The following THOC7 variants were observed in gnomAD, a reference collection of about 807,000 sequenced individuals.
The protein encoded by THOC7 is NIF3L1-binding protein 1.
A neutral mutation model predicts 33.1 loss-of-function variants in THOC7; 22 were observed. The observed-to-expected ratio is 0.66, with a 90% CI of 0.47 to 0.95. THOC7 has a LOEUF of 0.95. THOC7 is among the 40% of genes least tolerant of loss of function. The pLI, the probability that THOC7 is intolerant of heterozygous loss-of-function variation, is 0.00. For synonymous variants in THOC7, 77 were observed against 76.8 expected (o/e 1.00, Z -0.01); for missense variants, 184 against 245.3 (o/e 0.75, Z 1.67).
chr3:63,862,887 C>G (rs1702260452), intron 1 of THOC7, among the ~76,000 whole-genome samples: 2 of 152,154 alleles, frequency 1.3e-5, no homozygotes, highest in South Asian at 4.1e-4. Flanking sequence ...CTTATTTCCG[C>G]TCTCAGTCCA....
In THOC7 at chr3:63,836,309, C is replaced by T. The variant is rs1376856543; in HGVS notation, c.402G>A (p.Glu134=). ...KVIQHHPDRH[E]TLKELEALGK... ...TAAAGCTCTACACTTACTTTAATGTCTCATGCCTGTCTGGATGGTGCTGAA... is the reference window on the plus strand; with the variant it reads ...TAAAGCTCTACACTTACTTTAATGTTTCATGCCTGTCTGGATGGTGCTGAA... The change falls in exon 5 of 8, where the codon GAG becomes GAA. Residue 134 remains glutamate (E), a synonymous_variant. Transcript: ENST00000295899. 1 of 1,612,548 alleles carries T rather than the reference C, an allele frequency of 6.2e-7. No individual in the cohort carries two copies. The highest frequency in any genetic ancestry group is 1.1e-5 in the South Asian group (1 of 90,978).
chr3:63,860,302 C>A (rs1368364429), intron 1 of THOC7, among the ~76,000 whole-genome samples: 3 of 152,132 alleles, frequency 2.0e-5, no homozygotes, highest in Admixed American at 6.5e-5. Flanking sequence ...GCCTTAGCAT[C>A]CCAAAGTGCT....
chr3:63,836,748 C>A (rs570530865), intron 4 of THOC7, among the ~76,000 whole-genome samples: 13 of 151,966 alleles, frequency 8.6e-5, no homozygotes, highest in African/African-American at 3.1e-4. Context: ...TACCATTAAT[C>A]TGAGTTGTTA....
At position 63,836,377 on chromosome 3, in the gene THOC7, T is replaced by C; in HGVS notation, c.353-19A>G. The C allele has an allele frequency of 6.2e-7, 1 of 1,609,284 alleles. No homozygotes were observed. The highest frequency in any genetic ancestry group is 8.5e-7 in the Non-Finnish European group (1 of 1,177,102). On this transcript the variant is annotated intron_variant, in intron 4 of 7. Coordinates refer to ENST00000295899, the MANE Select transcript of THOC7 (RefSeq NM_025075.4). ...TCATATTCTGTAAGACATAAAAATATTTATCAAACTAAGGATTTTTTGAAT... is the reference window on the plus strand; with the variant it reads ...TCATATTCTGTAAGACATAAAAATACTTATCAAACTAAGGATTTTTTGAAT...
At chr3:63,854,342 T>A (rs1327918021) in intron 1 of THOC7, among the ~76,000 whole-genome samples, 1 of 152,208 alleles carries the variant, frequency 6.6e-6, no homozygotes, top group African/African-American at 2.4e-5. Context: ...ATTAGCTCCA[T>A]AATGAACACA....
upstream of THOC7, chr3:63,863,937 A>AGCCGC (rs1166876530): frequency 5.6e-4 from 189 of 339,040 alleles, 2 homozygotes; most frequent in East Asian, 3.4e-3. Flanking sequence ...CCGACGCCTG[A>AGCCGC]GCCGCGCCGC....
chr3:63,841,381 T>G (rs1701757006), intron 1 of THOC7, among the ~76,000 whole-genome samples: 1 of 152,230 alleles, frequency 6.6e-6, no homozygotes, highest in Admixed American at 6.5e-5. Flanking sequence ...TTTTCTGTTT[T>G]GTTTTTTATA....
intron 5 of THOC7, 97 bp from the exon 6 acceptor site, chr3:63,835,487 T>A: frequency 3.6e-6 from 4 of 1,097,524 alleles, no homozygotes; most frequent in Admixed American, 4.7e-5. Flanking sequence ...ATTTTTAAAA[T>A]AAAAAAAGGG....
chr3:63,841,094 G>C (rs906056997), intron 1 of THOC7, among the ~76,000 whole-genome samples: 1 of 152,180 alleles, frequency 6.6e-6, no homozygotes, highest in East Asian at 1.9e-4. Flanking sequence ...CAAAAGAATA[G>C]TGCAGATATA....
rs575209163 is a variant in THOC7, at chr3:63,850,025, C to T, written c.20-10252G>A. 5.9e-5 allele frequency among the ~76,000 whole-genome samples: 9 copies of T among 152,302 alleles called. No individual in the cohort carries two copies. The South Asian group carries it at 1.9e-3, about 32-fold the overall frequency. On this transcript the variant is annotated intron_variant, in intron 1 of 7. Coordinates refer to ENST00000295899, the MANE Select transcript of THOC7 (RefSeq NM_025075.4). The stretch of plus-strand genomic sequence containing the variant: ...GCAAATCAGGATGAGAAGTTGTTGA[C>T]TTCATGCTGGGGACAACTTTTCCCA...
intron 1 of THOC7, among the ~76,000 whole-genome samples, chr3:63,855,869 C>A (rs1702107033): frequency 6.6e-6 from 1 of 152,082 alleles, no homozygotes; most frequent in African/African-American, 2.4e-5. Flanking sequence ...TGGTAGGTAC[C>A]AAACTGAAAG....
chr3:63,854,354 TTAAAA>T (rs1337804727), intron 1 of THOC7, among the ~76,000 whole-genome samples: 3 of 152,214 alleles, frequency 2.0e-5, no homozygotes, highest in Non-Finnish European at 4.4e-5. Flanking sequence ...ATGAACACAC[TTAAAA>T]TATGTTTTGT....
At chr3:63,839,538 A>G in intron 2 of THOC7, 118 bp downstream of exon 2, 1 of 828,888 alleles carries the variant, frequency 1.2e-6, no homozygotes, top group South Asian at 1.5e-5. Context: ...GTTAATTAAG[A>G]GTTGACTCCA....
chr3:63,834,457 C>T (rs1701587175), intron 7 of THOC7, among the ~76,000 whole-genome samples: 1 of 151,566 alleles, frequency 6.6e-6, no homozygotes, highest in South Asian at 2.1e-4. Flanking sequence ...GTCAGGAATT[C>T]AAGACCAGCC....
intron 2 of THOC7, 26 bp downstream of exon 2, chr3:63,839,630 T>G (rs369363957): frequency 1.6e-5 from 26 of 1,596,558 alleles, no homozygotes; most frequent in Non-Finnish European, 2.1e-5. Context: ...GACACTGGTA[T>G]GGAAACAACA....
At position 63,835,347 on chromosome 3, in the gene THOC7, T is replaced by C; in HGVS notation, c.454A>G (p.Ile152Val). The C allele has an allele frequency of 1.9e-6, 3 of 1,613,574 alleles. No homozygotes were observed. Among genetic ancestry groups the C allele is most frequent in the East Asian group, 2.2e-5 (1 of 44,774 alleles). The change falls in exon 6 of 8, where the codon ATT becomes GTT. Residue 152 changes from isoleucine (I) to valine (V), a missense_variant. Transcript: ENST00000295899. ...LGKELEHLSH[I>V]KESVEDKLEL... ...ACCTTATCTTCAACACTTTCTTTAA[T>C]GTGTGAAAGATGCTCTAATTCTTTT...
At chr3:63,849,074 T>C (rs908116234) in intron 1 of THOC7, among the ~76,000 whole-genome samples, 3 of 152,250 alleles carry the variant, frequency 2.0e-5, no homozygotes, top group Non-Finnish European at 4.4e-5. Context: ...AGGAATACCA[T>C]ATTTGAAAAT....
At chr3:63,839,160 A>G (rs1017244325) in intron 2 of THOC7, among the ~76,000 whole-genome samples, 2 of 152,196 alleles carry the variant, frequency 1.3e-5, no homozygotes, top group Non-Finnish European at 1.5e-5. Context: ...ATTGCACTCC[A>G]GCCTGAACAA....
At chr3:63,859,491 C>A (rs2107167848) in intron 1 of THOC7, among the ~76,000 whole-genome samples, 1 of 152,342 alleles carries the variant, frequency 6.6e-6, no homozygotes, top group South Asian at 2.1e-4. Context: ...GGCCTTTGCA[C>A]TAGTTGTTGT....
Sources: gnomAD v4.1 joint callset for allele counts (sites outside exome capture counted in the v4.1 genomes callset) on GRCh38, gnomAD v4.1.1 for gene constraint, MANE v1.5 for transcripts, NCBI Gene and HGNC (gene_info 2026-07-23, HGNC 2026-07-21) for gene names.